LIN9: variants seen among roughly 807,000 people sequenced by gnomAD.
LIN9 encodes the protein protein lin-9 homolog.
LIN9 carries 18 observed loss-of-function variants against 78.0 expected under a neutral mutation model. That is an observed-to-expected ratio of 0.23 (90% confidence interval 0.16 to 0.34). The LOEUF (loss-of-function observed/expected upper bound fraction) is 0.34, where lower values mean the gene tolerates loss of function less well. Among genes scored for constraint, LIN9 ranks in the 10% least tolerant of loss-of-function variants. The probability of loss-of-function intolerance (pLI) is 1.00; values close to 1 mark genes in which losing one functional copy is unlikely to be tolerated. For synonymous variants in LIN9, 192 were observed against 215.2 expected (o/e 0.89, Z 0.94); for missense variants, 451 against 644.1 (o/e 0.70, Z 3.25).
At chr1:226,295,725 C>A in intron 4 of LIN9, 117 bp downstream of exon 4, 1 of 595,550 alleles carries the variant, frequency 1.7e-6, no homozygotes, top group South Asian at 2.6e-5. Flanking sequence ...CCAGAGCAGC[C>A]GTACGAATTT....
chr1:226,250,881 A>ATGT lies in LIN9; in HGVS notation c.1074_1076dup (p.Glu358_His359insGln). The ATGT allele has an allele frequency of 6.5e-7, 1 of 1,545,222 alleles. No individual in the cohort carries two copies. The highest frequency in any genetic ancestry group is 8.9e-7 in the Non-Finnish European group (1 of 1,127,790). On this transcript the variant is annotated inframe_insertion, in exon 11 of 15. Coordinates refer to ENST00000681046, the MANE Select transcript of LIN9 (RefSeq NM_001366245.2). ...TGTTCATTTCCCTTAATTTCTTGAT[A>ATGT]TGTTCCTTTTTAATCATGAGAATTT... is the stretch of plus-strand genomic sequence containing the variant.
Position 226,265,482 on chromosome 1 carries a change from A to G in LIN9, c.1038+51T>C. The G allele has an allele frequency of 1.7e-6, 2 of 1,154,150 alleles. No homozygotes were observed. The highest frequency in any genetic ancestry group is 2.6e-6 in the Non-Finnish European group (2 of 776,050). The allele number at this position is 1,154,150 out of a possible 1,614,324, so 71.5% of individuals were successfully genotyped here. On this transcript the variant is annotated intron_variant, in intron 10 of 14. Coordinates refer to ENST00000681046, the MANE Select transcript of LIN9 (RefSeq NM_001366245.2). The surrounding 1 kb of genome is among the most constrained non-coding windows in gnomAD (Gnocchi z 4.1). ...AAAATTTTCAACTTTAATAACATAA[A>G]AGGCATTGAGTTTTTAAACAAACAG... is the stretch of plus-strand genomic sequence containing the variant.
chr1:226,284,979 T>C (rs1576339457), intron 6 of LIN9, among the ~76,000 whole-genome samples: 1 of 152,326 alleles, frequency 6.6e-6, no homozygotes, highest in East Asian at 1.9e-4. Context: ...ATTGTATCAA[T>C]AATTTGTATT....
chr1:226,232,987 C>T, intron 14 of LIN9, 109 bp downstream of exon 14: 2 of 625,070 alleles, frequency 3.2e-6, no homozygotes, highest in Non-Finnish European at 5.5e-6. Context: ...ATATATTTAA[C>T]GGATAATAAT....
intron 1 of LIN9, among the ~76,000 whole-genome samples, chr1:226,306,876 G>A (rs774389748): frequency 3.3e-5 from 5 of 152,026 alleles, no homozygotes; most frequent in African/African-American, 4.8e-5. Context: ...AATTATTTAT[G>A]TATACTTGAT....
At chr1:226,291,741 T>C (rs1350484045) in intron 4 of LIN9, among the ~76,000 whole-genome samples, 2 of 152,196 alleles carry the variant, frequency 1.3e-5, no homozygotes, top group Non-Finnish European at 2.9e-5. Context: ...GTAACTTTGG[T>C]ATATTTGTCA....
chr1:226,271,329 G>C (rs1460416989), intron 7 of LIN9, among the ~76,000 whole-genome samples: 1 of 152,122 alleles, frequency 6.6e-6, no homozygotes, highest in African/African-American at 2.4e-5. Flanking sequence ...ATCCCTAATA[G>C]AGTGACTTTT....
intron 10 of LIN9, among the ~76,000 whole-genome samples, chr1:226,262,894 T>C (rs2102901451): frequency 6.6e-6 from 1 of 152,336 alleles, no homozygotes; most frequent in East Asian, 1.9e-4. Flanking sequence ...AAGATGTCTT[T>C]CAGTTTGTCA....
chr1:226,298,412 T>C (rs370673354), intron 2 of LIN9, among the ~76,000 whole-genome samples: 47 of 152,314 alleles, frequency 3.1e-4, no homozygotes, highest in African/African-American at 1.1e-3. Context: ...TTCTCCATGT[T>C]GGCCAGGCTG....
At chr1:226,262,713 G>A (rs190841049) in intron 10 of LIN9, among the ~76,000 whole-genome samples, 22 of 152,288 alleles carry the variant, frequency 1.4e-4, no homozygotes, top group African/African-American at 4.6e-4. Context: ...AGCCACTTTA[G>A]AACACAGCTT....
At position 226,287,536 on chromosome 1, in the gene LIN9, A is replaced by G. The variant is rs1003578034; in HGVS notation, c.398+128T>C. The G allele has an allele frequency of 4.3e-5, 26 of 608,428 alleles. No homozygotes were observed. In the East Asian group the frequency reaches 7.8e-4, roughly 18 times the overall value. The allele number at this position is 608,428 out of a possible 1,614,324, so 37.7% of individuals were successfully genotyped here. Reference sequence around the variant, plus strand: ...TAGAATAGATCCAACTGGAATGTGGAACAGAAAAATGAATTTAGAGAAAAA... The same window carrying G: ...TAGAATAGATCCAACTGGAATGTGGGACAGAAAAATGAATTTAGAGAAAAA... On this transcript the variant is annotated intron_variant, in intron 5 of 14. Coordinates refer to ENST00000681046, the MANE Select transcript of LIN9 (RefSeq NM_001366245.2).
At position 226,295,282 on chromosome 1, in the gene LIN9, T is replaced by C. The variant is rs144535809; in HGVS notation, c.264+560A>G. ...CTGGCCAACATGGTGAAACCCCGTC[T>C]CTACTAAAATATAAAAATCAGCTGG... On this transcript the variant is annotated intron_variant, in intron 4 of 14. Transcript: ENST00000681046. Among the ~76,000 whole-genome samples the C allele has an allele frequency of 1.4e-3, 209 of 151,884 alleles. 5 individuals are homozygous for C. In the East Asian group the frequency reaches 0.029, roughly 21 times the overall value.
At position 226,297,709 on chromosome 1, in the gene LIN9, C is replaced by A; in HGVS notation, c.159+10G>T. ...ATTATTCTAAAATGTAAGAAAAACT[C>A]ACTCCTTACCATTTCCACAGCAGAG... On this transcript the variant is annotated intron_variant, in intron 3 of 14. Transcript: ENST00000681046. The A allele has an allele frequency of 6.6e-7, 1 of 1,525,072 alleles. No individual in the cohort carries two copies. Among genetic ancestry groups the A allele is most frequent in the Admixed American group, 2.1e-5 (1 of 46,522 alleles). 94.5% of individuals were successfully genotyped at this position (1,525,072 alleles called of 1,614,324 possible). A position where few individuals can be genotyped will look rare whatever the true frequency, so the allele number is the denominator to read the frequency against.
chr1:226,232,854 C>A, intron 14 of LIN9: 1 of 493,278 alleles, frequency 2.0e-6, no homozygotes, highest in Non-Finnish European at 3.5e-6. Flanking sequence ...GAAGCTCTAC[C>A]TCTAAGCTCA....
At chr1:226,259,942 A>T (rs911556894) in intron 10 of LIN9, among the ~76,000 whole-genome samples, 1 of 81,690 alleles carries the variant, frequency 1.2e-5, no homozygotes, top group Non-Finnish European at 2.7e-5. Context: ...AATTGAAAAC[A>T]GAAAATAGAA....
At chr1:226,274,972 C>G (rs1487400028) in intron 7 of LIN9, among the ~76,000 whole-genome samples, 1 of 152,164 alleles carries the variant, frequency 6.6e-6, no homozygotes, top group East Asian at 1.9e-4. Context: ...ATCTCAGAGT[C>G]TATCTCTATT....
chr1:226,308,946 G>T, intron 1 of LIN9, 163 bp downstream of exon 1: 1 of 553,322 alleles, frequency 1.8e-6, no homozygotes, highest in Non-Finnish European at 2.7e-6. Flanking sequence ...AACAAAGGCG[G>T]CGACGCGGCG....
At chr1:226,252,719 T>A (rs1658914110) in intron 10 of LIN9, among the ~76,000 whole-genome samples, 1 of 152,178 alleles carries the variant, frequency 6.6e-6, no homozygotes. Context: ...ACGCCTATAA[T>A]CCCAGCACTT....
chr1:226,245,327 T>C (rs981536917), intron 11 of LIN9, among the ~76,000 whole-genome samples: 1 of 152,186 alleles, frequency 6.6e-6, no homozygotes, highest in Non-Finnish European at 1.5e-5. Flanking sequence ...TCATAAAAGA[T>C]GTACTAATTT....
Sources: gnomAD v4.1 joint callset for allele counts (sites outside exome capture counted in the v4.1 genomes callset) on GRCh38, gnomAD v4.1.1 for gene constraint, Gnocchi (gnomAD v3.1) non-coding constraint, MANE v1.5 for transcripts, NCBI Gene and HGNC (gene_info 2026-07-23, HGNC 2026-07-21) for gene names.